Variants in TCF7L2 observed in about 807,000 individuals in gnomAD.
TCF7L2 encodes transcription factor 7-like 2.
In TCF7L2, 23 loss-of-function variants were observed where a neutral mutation model predicts 77.9. The ratio of observed to expected loss-of-function variants is 0.30; its 90% CI spans 0.21 to 0.42. The LOEUF (loss-of-function observed/expected upper bound fraction) is 0.42. TCF7L2 is among the 10% of genes least tolerant of loss of function. TCF7L2 has a pLI of 1.00. For synonymous variants in TCF7L2, 413 were observed against 340.2 expected, an observed-to-expected ratio of 1.21 and a Z score of -2.36; for missense variants, 654 against 793.1, an observed-to-expected ratio of 0.82 and a Z score of 2.11.
In TCF7L2 at chr10:112,951,477, T is replaced by C. The variant is rs2031277442; in HGVS notation, c.257-6T>C. ...CCGCTGTCCCCTCGCCGCCCCGCCA[T>C]GTTAGCGGCCAAGAGGCAAGATGGA... is the stretch of plus-strand genomic sequence containing the variant. On this transcript the variant is annotated splice_polypyrimidine_tract_variant and splice_region_variant and intron_variant, in intron 2 of 13. Transcript: ENST00000627217. 2.1e-6 allele frequency: 3 copies of C among 1,415,480 alleles called. No individual in the cohort carries two copies. The highest frequency in any genetic ancestry group is 1.2e-5 in the South Asian group (1 of 83,682). 87.7% of individuals were successfully genotyped at this position (1,415,480 alleles called of 1,614,324 possible).
chr10:113,107,783 A>C (rs980505771), intron 5 of TCF7L2, among the ~76,000 whole-genome samples: 34 of 150,530 alleles, frequency 2.3e-4, no homozygotes, highest in South Asian at 4.2e-4. Context: ...AAAACAACAA[A>C]AAAATCAAGG....
chr10:113,067,480 A>C (rs145221008), intron 5 of TCF7L2, among the ~76,000 whole-genome samples: 95 of 152,312 alleles, frequency 6.2e-4, no homozygotes, highest in African/African-American at 2.1e-3. Flanking sequence ...CTCTTCCCCC[A>C]CAAGAAATAT....
intron 4 of TCF7L2, among the ~76,000 whole-genome samples, chr10:113,009,555 C>G (rs1047950841): frequency 6.6e-6 from 1 of 152,160 alleles, no homozygotes; most frequent in Admixed American, 6.5e-5. Flanking sequence ...GATGGGTCTC[C>G]AAAGCTTCAG....
intron 5 of TCF7L2, among the ~76,000 whole-genome samples, chr10:113,090,733 C>A (rs2060297605): frequency 6.6e-6 from 1 of 152,142 alleles, no homozygotes; most frequent in Non-Finnish European, 1.5e-5. Context: ...CCTCAGCCTC[C>A]CGAGTAGCTG....
chr10:113,068,155 A>C (rs992094681), intron 5 of TCF7L2, among the ~76,000 whole-genome samples: 6 of 152,220 alleles, frequency 3.9e-5, no homozygotes, highest in Admixed American at 3.9e-4. Flanking sequence ...CATTGATCAC[A>C]CGTGAAAACA....
chr10:113,039,374 A>G (rs1336232290), intron 4 of TCF7L2, among the ~76,000 whole-genome samples: 1 of 152,330 alleles, frequency 6.6e-6, no homozygotes, highest in African/African-American at 2.4e-5. Context: ...ACCTGTGCAT[A>G]CTAAAGCATT....
chr10:113,120,678 C>T (rs1273036705), intron 5 of TCF7L2, among the ~76,000 whole-genome samples: 5 of 151,926 alleles, frequency 3.3e-5, no homozygotes, highest in South Asian at 2.1e-4. Flanking sequence ...TGAGTTGCAC[C>T]GAGCACAAGA....
chr10:113,151,599 A>T lies in TCF7L2; in HGVS notation c.1002-126A>T. ...TTTTCCGGGGTGCAGAAGAACTAAA[A>T]GCATGCTTTTTAATCCAAAACTGCT... is the stretch of plus-strand genomic sequence containing the variant. On this transcript the variant is annotated intron_variant, in intron 9 of 13. Transcript: ENST00000627217. This position sits in a 1 kb window ranked among gnomAD's most constrained non-coding sequence, Gnocchi z 5.2. 1 of 1,247,630 alleles carries T rather than the reference A, an allele frequency of 8.0e-7. No homozygotes were observed. The highest frequency in any genetic ancestry group is 1.1e-6 in the Non-Finnish European group (1 of 930,286). The allele number at this position is 1,247,630 out of a possible 1,614,324, so 77.3% of individuals were successfully genotyped here.
chr10:113,126,809 G>A (rs571704868), intron 5 of TCF7L2: 18,098 of 986,784 alleles, frequency 0.018, 220 homozygotes, highest in Non-Finnish European at 0.02. Context: ...CGGGCCCTGG[G>A]CAGCATCTGG....
chr10:113,128,969 G>C (rs1467576), intron 5 of TCF7L2, among the ~76,000 whole-genome samples: 99,133 of 151,906 alleles, frequency 0.65, 33,105 homozygotes, highest in African/African-American at 0.77. Flanking sequence ...TTCTCTCTCT[G>C]TGTTCCTGGG....
chr10:112,954,765 G>A (rs183914280), intron 3 of TCF7L2, among the ~76,000 whole-genome samples: 62 of 152,298 alleles, frequency 4.1e-4, no homozygotes, highest in African/African-American at 1.5e-3. Context: ...TTCCAGTTAG[G>A]TTTGAAATTT....
At chr10:113,145,574 G>A (rs1012383814) in intron 7 of TCF7L2, among the ~76,000 whole-genome samples, 1 of 152,158 alleles carries the variant, frequency 6.6e-6, no homozygotes, top group African/African-American at 2.4e-5. Context: ...TTCTCACCGA[G>A]ATCTAAATAC....
intron 4 of TCF7L2, among the ~76,000 whole-genome samples, chr10:113,023,542 G>A (rs2048580759): frequency 6.6e-6 from 1 of 152,216 alleles, no homozygotes; most frequent in Non-Finnish European, 1.5e-5. Flanking sequence ...CACGATCTCA[G>A]CTCACTGCAA....
intron 5 of TCF7L2, among the ~76,000 whole-genome samples, chr10:113,107,061 C>G (rs2062421776): frequency 6.6e-6 from 1 of 152,174 alleles, no homozygotes; most frequent in African/African-American, 2.4e-5. Flanking sequence ...GTCCTGTAAC[C>G]AGGAAACAAG....
At position 112,990,130 on chromosome 10, in the gene TCF7L2, C is replaced by T. The variant is rs562059110; in HGVS notation, c.450+25506C>T. Among the ~76,000 whole-genome samples the T allele has an allele frequency of 3.7e-4, 57 of 152,268 alleles. No individual in the cohort carries two copies. In the South Asian group the frequency reaches 0.012, roughly 31 times the overall value. On this transcript the variant is annotated intron_variant, in intron 4 of 13. Transcript: ENST00000627217. The stretch of plus-strand genomic sequence containing the variant: ...TTGCCTGCCTCTCAGGACTCCTGCA[C>T]GTGGCTACAGTCATTTCTTCATGGA...
chr10:113,043,282 A>T lies in TCF7L2; in HGVS notation c.552+3156A>T, dbSNP rs1043636128. Among the ~76,000 whole-genome samples the T allele has an allele frequency of 2.0e-5, 3 of 152,222 alleles. No individual in the cohort carries two copies. In the East Asian group the frequency reaches 5.8e-4, roughly 29 times the overall value. On this transcript the variant is annotated intron_variant, in intron 5 of 13. Coordinates refer to ENST00000627217, the MANE Select transcript of TCF7L2 (RefSeq NM_001146274.2). The stretch of plus-strand genomic sequence containing the variant: ...TCAGAGCATTTTGTTGGACTATTTT[A>T]ATCTGATTGGATTATTTTCATGTGG...
chr10:112,966,131 C>T (rs1261526975), intron 4 of TCF7L2, among the ~76,000 whole-genome samples: 6 of 147,884 alleles, frequency 4.1e-5, no homozygotes, highest in Non-Finnish European at 8.9e-5. Flanking sequence ...GCCGAGATCA[C>T]GCCACTGCAC....
In TCF7L2 at chr10:113,166,462, T is replaced by TC; in HGVS notation, c.*490_*491insC. 1 of 222,508 alleles carries TC rather than the reference T, an allele frequency of 4.5e-6. No homozygotes were observed. The highest frequency in any genetic ancestry group is 1.9e-4 in the South Asian group (1 of 5,390). The allele number at this position is 222,508 out of a possible 1,614,324, so 13.8% of individuals were successfully genotyped here. A position where few individuals can be genotyped will look rare whatever the true frequency, so the allele number is the denominator to read the frequency against. ...ATGCAGTGCCGTTACTTTTTTTTTTTTTTTCTGTGTGAAACAACTCTTATT... is the reference window on the plus strand; with the variant it reads ...ATGCAGTGCCGTTACTTTTTTTTTTTCTTTTCTGTGTGAAACAACTCTTATT... On this transcript the variant is annotated 3_prime_UTR_variant, in exon 14 of 14. Transcript: ENST00000627217.
intron 4 of TCF7L2, among the ~76,000 whole-genome samples, chr10:113,022,992 G>T (rs2048493234): frequency 6.6e-6 from 1 of 152,208 alleles, no homozygotes; most frequent in Non-Finnish European, 1.5e-5. Flanking sequence ...GTCTGAGCTG[G>T]CTTTGAGTCT....
Sources: allele counts gnomAD v4.1 joint callset (sites outside exome capture counted in the v4.1 genomes callset), GRCh38; gene constraint gnomAD v4.1.1; non-coding constraint Gnocchi (gnomAD v3.1); transcripts MANE v1.5; gene names NCBI Gene and HGNC (gene_info 2026-07-23, HGNC 2026-07-21).